BRSK1: variants seen among roughly 807,000 people sequenced by gnomAD.
The protein encoded by BRSK1 is serine/threonine-protein kinase BRSK1.
A neutral mutation model predicts 86.2 loss-of-function variants in BRSK1; 17 were observed. That is an observed-to-expected ratio of 0.20 (90% CI 0.14 to 0.30). The LOEUF (loss-of-function observed/expected upper bound fraction) is 0.30, where lower values mean the gene tolerates loss of function less well. BRSK1 is among the 10% of genes least tolerant of loss of function. BRSK1 has a pLI of 1.00. For missense variants in BRSK1, 719 were observed against 1,071.9 expected (o/e 0.67, Z 4.60); for synonymous variants, 464 against 440.1 (o/e 1.05, Z -0.68).
intron 7 of BRSK1, among the ~76,000 whole-genome samples, chr19:55,297,363 A>G (rs2088504282): frequency 6.6e-6 from 1 of 152,054 alleles, no homozygotes; most frequent in Non-Finnish European, 1.5e-5. Flanking sequence ...CACCACGCCC[A>G]GCCATAAGCA....
In BRSK1 at chr19:55,284,589, C is replaced by G; in HGVS notation, c.136+11C>G. On this transcript the variant is annotated intron_variant, in intron 1 of 18. Transcript: ENST00000309383. ...GCAAAGGACAGACAGGTGAGCCTAG[C>G]AGAAGGGGACACCTGGGGCGGGGGG... is the stretch of plus-strand genomic sequence containing the variant. The G allele has an allele frequency of 7.9e-7, 1 of 1,258,364 alleles. No homozygotes were observed. The highest frequency in any genetic ancestry group is 1.0e-6 in the Non-Finnish European group (1 of 990,578). The allele number at this position is 1,258,364 out of a possible 1,614,324, so 77.9% of individuals were successfully genotyped here.
chr19:55,294,280 G>A lies in BRSK1; in HGVS notation c.609+33G>A, dbSNP rs930101165. 6.2e-7 allele frequency: 1 copy of A among 1,614,134 alleles called. No homozygotes were observed. Among genetic ancestry groups the A allele is most frequent in the African/African-American group, 1.3e-5 (1 of 75,034 alleles). ...AGGGGCGGATAGAGGGGAGAGGGGT[G>A]GAGGCAGCAGTGAGGAGCGATGAAG... On this transcript the variant is annotated intron_variant, in intron 6 of 18. Coordinates refer to ENST00000309383, the MANE Select transcript of BRSK1 (RefSeq NM_032430.2). The surrounding 1 kb of genome is among the most constrained non-coding windows in gnomAD (Gnocchi z 4.9).
rs372118776 is a variant in BRSK1 at position 55,306,407 on chromosome 19, C to A, written c.2046C>A (p.Ser682Arg). The change falls in exon 17 of 19, where the codon AGC (serine) becomes AGA (arginine). Residue 682 changes from serine (S) to arginine (R), a missense_variant. Ser to Arg is a moderately radical substitution (Grantham distance 110, BLOSUM62 -1). This residue lies in a region of BRSK1 where 180 missense variants were observed against 259.4 expected (regional missense o/e 0.69). Coordinates refer to ENST00000309383, the MANE Select transcript of BRSK1 (RefSeq NM_032430.2). This position sits in a 1 kb window ranked among gnomAD's most constrained non-coding sequence, Gnocchi z 4.7. Reference sequence around the variant, plus strand: ...AGCCCTCCCCGCGACGGGACGGCAGCGGAGGTGGTGGCATCTACTCCGTCA... The same window carrying A: ...AGCCCTCCCCGCGACGGGACGGCAGAGGAGGTGGTGGCATCTACTCCGTCA... ...GPEPSPRRDG[S>R]GGGGIYSVTF... 2 of 1,613,708 alleles carry A rather than the reference C, an allele frequency of 1.2e-6. No homozygotes were observed. Among genetic ancestry groups the A allele is most frequent in the East Asian group, 4.5e-5 (2 of 44,896 alleles).
rs1256658075 is a variant in BRSK1 at position 55,303,074 on chromosome 19, C to T, written c.1028+207C>T. 7 of 656,086 alleles carry T rather than the reference C, an allele frequency of 1.1e-5. No homozygotes were observed. The highest frequency in any genetic ancestry group is 2.0e-5 in the South Asian group (1 of 50,164). The allele number at this position is 656,086 out of a possible 1,614,324, so 40.6% of individuals were successfully genotyped here. On this transcript the variant is annotated intron_variant, in intron 10 of 18. Coordinates refer to ENST00000309383, the MANE Select transcript of BRSK1 (RefSeq NM_032430.2). The surrounding 1 kb of genome is among the most constrained non-coding windows in gnomAD (Gnocchi z 5.1). ...AATAGATGCTGCGACATAGTACTTACATATACATAGTACTTACAAATAGTT... is the reference window on the plus strand; with the variant it reads ...AATAGATGCTGCGACATAGTACTTATATATACATAGTACTTACAAATAGTT...
chr19:55,306,168 T>G lies in BRSK1; in HGVS notation c.1891-84T>G. 2.9e-6 allele frequency: 4 copies of G among 1,388,960 alleles called. No homozygotes were observed. 86.0% of individuals were successfully genotyped at this position (1,388,960 alleles called of 1,614,324 possible). A position where few individuals can be genotyped will look rare whatever the true frequency, so the allele number is the denominator to read the frequency against. ...CTTTCCCTCCAGTGGCTCATGGGAC[T>G]CGTAGTTCCTTGGCCAGAGCTGGTC... On this transcript the variant is annotated intron_variant, in intron 16 of 18. Coordinates refer to ENST00000309383, the MANE Select transcript of BRSK1 (RefSeq NM_032430.2). This position sits in a 1 kb window ranked among gnomAD's most constrained non-coding sequence, Gnocchi z 4.7.
chr19:55,301,893 G>A (rs1020045939), intron 8 of BRSK1, among the ~76,000 whole-genome samples: 7 of 152,336 alleles, frequency 4.6e-5, no homozygotes, highest in African/African-American at 1.2e-4. Context: ...GGAGTAAGGA[G>A]GCGAACAGGA....
rs1053904925 is a variant in BRSK1 at position 55,303,013 on chromosome 19, G to A, written c.1028+146G>A. ...CCCGCCTGGGAGTGATGGAACCAGC[G>A]GAGAAAACGGCCCAGAAACACGCTG... On this transcript the variant is annotated intron_variant, in intron 10 of 18. Transcript: ENST00000309383. The surrounding 1 kb of genome is among the most constrained non-coding windows in gnomAD (Gnocchi z 5.1). 10 of 1,067,940 alleles carry A rather than the reference G, an allele frequency of 9.4e-6. No individual in the cohort carries two copies. The highest frequency in any genetic ancestry group is 3.3e-5 in the South Asian group (2 of 59,948). The allele number at this position is 1,067,940 out of a possible 1,614,324, so 66.2% of individuals were successfully genotyped here.
chr19:55,290,653 T>C (rs1371324299), intron 4 of BRSK1, among the ~76,000 whole-genome samples: 1 of 152,004 alleles, frequency 6.6e-6, no homozygotes, highest in Non-Finnish European at 1.5e-5. Context: ...TTTTTCTTTT[T>C]TTTTTTGAGA....
In BRSK1 at chr19:55,302,849, G is replaced by A; in HGVS notation, c.1010G>A (p.Arg337His). Residue 337 changes from arginine (R) to histidine (H), a missense_variant, in exon 10 of 19, where the codon CGC becomes CAC. By Grantham distance (29) the Arg-to-His change is conservative. Coordinates refer to ENST00000309383, the MANE Select transcript of BRSK1 (RefSeq NM_032430.2). This position sits in a 1 kb window ranked among gnomAD's most constrained non-coding sequence, Gnocchi z 6.3. The part of the protein sequence containing the change: ...GCFRDRERLH[R>H]ELRSEEENQE... ...TTCAGGGACCGCGAGAGGCTGCATCGCGAGCTGCGCAGTGAGGAGTAAGAC... is the reference window on the plus strand; with the variant it reads ...TTCAGGGACCGCGAGAGGCTGCATCACGAGCTGCGCAGTGAGGAGTAAGAC... 1 of 1,613,410 alleles carries A rather than the reference G, an allele frequency of 6.2e-7. No homozygotes were observed. The highest frequency in any genetic ancestry group is 8.5e-7 in the Non-Finnish European group (1 of 1,179,874).
chr19:55,303,959 C>T lies in BRSK1; in HGVS notation c.1287-91C>T. On this transcript the variant is annotated intron_variant, in intron 12 of 18. Coordinates refer to ENST00000309383, the MANE Select transcript of BRSK1 (RefSeq NM_032430.2). The surrounding 1 kb of genome is among the most constrained non-coding windows in gnomAD (Gnocchi z 5.1). ...CTCCCCTCTCTGGGCCTCATTTCCT[C>T]ACCTGGAAGGACTGTAGAAGTGAGG... is the stretch of plus-strand genomic sequence containing the variant. 1 of 1,516,098 alleles carries T rather than the reference C, an allele frequency of 6.6e-7. No individual in the cohort carries two copies. Among genetic ancestry groups the T allele is most frequent in the South Asian group, 1.3e-5 (1 of 79,584 alleles). 93.9% of individuals were successfully genotyped at this position (1,516,098 alleles called of 1,614,324 possible). A position where few individuals can be genotyped will look rare whatever the true frequency, so the allele number is the denominator to read the frequency against.
chr19:55,294,823 A>C lies in BRSK1; in HGVS notation c.678+426A>C, dbSNP rs1600177391. ...GGCCTATTTATTTATGTATTTTGAG[A>C]CAGAGTCTTGCTCTGTTGCCCAGGC... On this transcript the variant is annotated intron_variant, in intron 7 of 18. Coordinates refer to ENST00000309383, the MANE Select transcript of BRSK1 (RefSeq NM_032430.2). The surrounding 1 kb of genome is among the most constrained non-coding windows in gnomAD (Gnocchi z 4.9). Among the ~76,000 whole-genome samples the C allele has an allele frequency of 1.3e-5, 2 of 151,540 alleles. No individual in the cohort carries two copies. The highest frequency in any genetic ancestry group is 1.3e-4 in the Admixed American group (2 of 15,188).
rs554546888 is a variant in BRSK1, at chr19:55,293,906, C to A, written c.459-111C>A. 4.1e-5 allele frequency: 33 copies of A among 810,650 alleles called. No individual in the cohort carries two copies. The East Asian group carries it at 4.1e-4, about 10-fold the overall frequency. The allele number at this position is 810,650 out of a possible 1,614,324, so 50.2% of individuals were successfully genotyped here. The stretch of plus-strand genomic sequence containing the variant: ...TGAATGATAATAAATGGTCTCTCAT[C>A]CCCTAAAAATCCAAAAAGTATGCAG... On this transcript the variant is annotated intron_variant, in intron 4 of 18. Transcript: ENST00000309383.
chr19:55,287,378 C>A lies in BRSK1; in HGVS notation c.317+79C>A. On this transcript the variant is annotated intron_variant, in intron 3 of 18. Transcript: ENST00000309383. The surrounding 1 kb of genome is among the most constrained non-coding windows in gnomAD (Gnocchi z 5.3). ...GGGTGGGACTTCTCCAGAAACAGGG[C>A]CTAGGGGGACCTGGGGGACCTGCAG... The A allele has an allele frequency of 1.5e-6, 2 of 1,362,982 alleles. No individual in the cohort carries two copies. The highest frequency in any genetic ancestry group is 2.1e-6 in the Non-Finnish European group (2 of 959,718). The allele number at this position is 1,362,982 out of a possible 1,614,324, so 84.4% of individuals were successfully genotyped here.
Position 55,294,552 on chromosome 19 carries a change from A to G in BRSK1, c.678+155A>G, listed in dbSNP as rs2088457650. Reference sequence around the variant, plus strand: ...AGTCTTGCCCCGTCGCCTAGGCTGGAGTGCAGTGGTGTGATCTCAGCTCAC... The same window carrying G: ...AGTCTTGCCCCGTCGCCTAGGCTGGGGTGCAGTGGTGTGATCTCAGCTCAC... On this transcript the variant is annotated intron_variant, in intron 7 of 18. Transcript: ENST00000309383. This position sits in a 1 kb window ranked among gnomAD's most constrained non-coding sequence, Gnocchi z 4.9. Among the ~76,000 whole-genome samples, 2 of 152,198 alleles carry G rather than the reference A, an allele frequency of 1.3e-5. No homozygotes were observed. The highest frequency in any genetic ancestry group is 4.8e-5 in the African/African-American group (2 of 41,452).
intron 1 of BRSK1, 111 bp downstream of exon 1, chr19:55,284,689 C>A (rs2088281988): frequency 1.0e-6 from 1 of 978,234 alleles, no homozygotes; most frequent in Non-Finnish European, 1.3e-6. Context: ...ACCCCTGGGC[C>A]CCTCATAGAG....
At position 55,294,487 on chromosome 19, in the gene BRSK1, T is replaced by C; in HGVS notation, c.678+90T>C. ...TACCTTCCATCCTCAGGTCATCTCC[T>C]GAATTTATTTATGAATTTTATTTAT... On this transcript the variant is annotated intron_variant, in intron 7 of 18. Transcript: ENST00000309383. This position sits in a 1 kb window ranked among gnomAD's most constrained non-coding sequence, Gnocchi z 4.9. 1 of 1,386,414 alleles carries C rather than the reference T, an allele frequency of 7.2e-7. No individual in the cohort carries two copies. Among genetic ancestry groups the C allele is most frequent in the Non-Finnish European group, 9.9e-7 (1 of 1,009,528 alleles). 85.9% of individuals were successfully genotyped at this position (1,386,414 alleles called of 1,614,324 possible).
chr19:55,285,405 C>A (rs2088295387), intron 1 of BRSK1, among the ~76,000 whole-genome samples: 1 of 152,046 alleles, frequency 6.6e-6, no homozygotes, highest in African/African-American at 2.4e-5. Context: ...AGGCGGCCTG[C>A]AGAGTGGGGC....
chr19:55,293,890 A>G (rs966803044), intron 4 of BRSK1, 127 bp from the exon 5 acceptor site: 1 of 677,556 alleles, frequency 1.5e-6, no homozygotes, highest in South Asian at 2.6e-5. Context: ...ATGAATGATA[A>G]TAAATGGTCT....
At position 55,302,070 on chromosome 19, in the gene BRSK1, T is replaced by G; in HGVS notation, c.826-67T>G. The stretch of plus-strand genomic sequence containing the variant: ...CAGGGACCCCAAAACCACCCCAGTC[T>G]TTCATTGCGCGCCTACATGTGCCTA... On this transcript the variant is annotated intron_variant, in intron 8 of 18. Transcript: ENST00000309383. This position sits in a 1 kb window ranked among gnomAD's most constrained non-coding sequence, Gnocchi z 6.3. 6.3e-7 allele frequency: 1 copy of G among 1,590,132 alleles called. No homozygotes were observed.
Sources: gnomAD v4.1 joint callset for allele counts (sites outside exome capture counted in the v4.1 genomes callset) on GRCh38, gnomAD v4.1.1 for gene constraint, gnomAD v4.1.1 regional missense constraint, Gnocchi (gnomAD v3.1) non-coding constraint, MANE v1.5 for transcripts, NCBI Gene and HGNC (gene_info 2026-07-23, HGNC 2026-07-21) for gene names.